Variants in WDFY4 observed in about 807,000 individuals in gnomAD.
WDFY4 encodes WDFY family member 4, also known as WD repeat- and FYVE domain-containing protein 4.
Under a neutral mutation model 351.9 loss-of-function variants are expected in WDFY4, and 169 were observed. The observed-to-expected ratio is 0.48, with a 90% CI of 0.42 to 0.55. The LOEUF is 0.55. WDFY4 is among the 20% of genes least tolerant of loss of function. The pLI is 0.00. For missense variants in WDFY4, 3,803 were observed against 3,935.6 expected, an observed-to-expected ratio of 0.97 and a Z score of 0.90; for synonymous variants, 1,622 against 1,574.6, an observed-to-expected ratio of 1.03 and a Z score of -0.71.
chr10:48,702,401 C>G (rs1432177170), intron 1 of WDFY4, among the ~76,000 whole-genome samples: 1 of 152,176 alleles, frequency 6.6e-6, no homozygotes, highest in Non-Finnish European at 1.5e-5. Context: ...CCTTATCCCC[C>G]GTCCCTGGCA....
intron 54 of WDFY4, among the ~76,000 whole-genome samples, chr10:48,964,489 TGGACCAGGAA>T (rs1841992768): frequency 6.6e-6 from 1 of 152,258 alleles, no homozygotes. Flanking sequence ...TATTCTTTTA[TGGACCAGGAA>T]ACTGAGGCTC....
At chr10:48,688,434 T>A (rs886320099) in intron 1 of WDFY4, among the ~76,000 whole-genome samples, 5 of 152,234 alleles carry the variant, frequency 3.3e-5, no homozygotes, top group Non-Finnish European at 7.4e-5. Flanking sequence ...ATAAACGTGG[T>A]CTGTCTCTCC....
intron 47 of WDFY4, among the ~76,000 whole-genome samples, chr10:48,930,416 G>T (rs1839923807): frequency 6.6e-6 from 1 of 152,232 alleles, no homozygotes; most frequent in Non-Finnish European, 1.5e-5. Context: ...TGGCACGACG[G>T]ATTGTTTGAC....
chr10:48,809,281 AT>A (rs1174613695), intron 28 of WDFY4, among the ~76,000 whole-genome samples: 2 of 114,582 alleles, frequency 1.7e-5, no homozygotes, highest in African/African-American at 7.3e-5. Context: ...TCACCACAAC[AT>A]TAATCGCCAT....
intron 2 of WDFY4, among the ~76,000 whole-genome samples, chr10:48,716,922 A>C (rs1171922097): frequency 6.6e-6 from 1 of 152,230 alleles, no homozygotes; most frequent in Non-Finnish European, 1.5e-5. Flanking sequence ...TTTTCTCTCC[A>C]GGGATTAACA....
chr10:48,975,563 C>A (rs1842531724), intron 58 of WDFY4, among the ~76,000 whole-genome samples: 2 of 152,216 alleles, frequency 1.3e-5, no homozygotes, highest in African/African-American at 4.8e-5. Context: ...ACCTAAGGGG[C>A]CCAGGGCATA....
Position 48,945,978 on chromosome 10 carries a change from C to G in WDFY4, c.7750-62C>G, listed in dbSNP as rs952335850. On this transcript the variant is annotated intron_variant, in intron 49 of 61. Coordinates refer to ENST00000325239, the MANE Select transcript of WDFY4 (RefSeq NM_001394531.1). ...TAAAGAGAACCATAAAACTCAAGAG[C>G]GTGGCTCCTAGGGCACAAGCGGGTC... is the stretch of plus-strand genomic sequence containing the variant. The G allele has an allele frequency of 1.4e-5, 16 of 1,112,406 alleles. No individual in the cohort carries two copies. The African/African-American group carries it at 1.8e-4, about 13-fold the overall frequency. The allele number at this position is 1,112,406 out of a possible 1,614,324, so 68.9% of individuals were successfully genotyped here. A position where few individuals can be genotyped will look rare whatever the true frequency, so the allele number is the denominator to read the frequency against.
At chr10:48,935,294 G>A (rs565743661) in intron 47 of WDFY4, 3 of 152,338 alleles carry the variant, frequency 2.0e-5, no homozygotes, top group East Asian at 3.9e-4. Flanking sequence ...TGAGAGGACG[G>A]AAGGCTGAAA....
At chr10:48,846,723 A>G (rs1451814600) in intron 39 of WDFY4, among the ~76,000 whole-genome samples, 1 of 152,238 alleles carries the variant, frequency 6.6e-6, no homozygotes, top group Non-Finnish European at 1.5e-5. Context: ...GGCTAGTCAC[A>G]GCGTGGCTTC....
intron 24 of WDFY4, among the ~76,000 whole-genome samples, chr10:48,798,304 T>A (rs542358039): frequency 6.6e-6 from 1 of 150,806 alleles, no homozygotes; most frequent in South Asian, 2.1e-4. Flanking sequence ...AATGAGAACA[T>A]AAATTAATAA....
intron 39 of WDFY4, among the ~76,000 whole-genome samples, chr10:48,840,750 G>A (rs2068576820): frequency 3.3e-5 from 5 of 152,202 alleles, no homozygotes; most frequent in Admixed American, 3.3e-4. Flanking sequence ...ATAAGAGCTG[G>A]ATGAAGAAAG....
chr10:48,882,971 TC>T (rs2070312032), intron 43 of WDFY4, among the ~76,000 whole-genome samples: 1 of 149,168 alleles, frequency 6.7e-6, no homozygotes, highest in Admixed American at 6.6e-5. Flanking sequence ...ACCTCAGATC[TC>T]TCTTATTCTC....
chr10:48,746,663 A>T (rs7084008), intron 12 of WDFY4, among the ~76,000 whole-genome samples: 35,217 of 151,960 alleles, frequency 0.23, 4,238 homozygotes, highest in African/African-American at 0.31. Context: ...AATTGATTTT[A>T]AAAAATTGTG....
At chr10:48,971,135 T>C (rs1249930610) in intron 57 of WDFY4, among the ~76,000 whole-genome samples, 2 of 151,954 alleles carry the variant, frequency 1.3e-5, no homozygotes, top group African/African-American at 4.9e-5. Flanking sequence ...TAGGGGACAC[T>C]TTCAACTCTA....
Position 48,981,054 on chromosome 10 carries a change from G to A in WDFY4, c.9377-313G>A, listed in dbSNP as rs572907259. Among the ~76,000 whole-genome samples the A allele has an allele frequency of 2.0e-5, 3 of 152,332 alleles. No homozygotes were observed. In the South Asian group the frequency reaches 6.2e-4, roughly 32 times the overall value. On this transcript the variant is annotated intron_variant, in intron 60 of 61. Transcript: ENST00000325239. ...GGGCATCTTATTAAGCATAAAGCCA[G>A]TAAACACTGATGAACAATTTTGCTG...
rs1841981693 is a variant in WDFY4, at chr10:48,964,202, C to A, written c.8436+148C>A. On this transcript the variant is annotated intron_variant, in intron 54 of 61. Coordinates refer to ENST00000325239, the MANE Select transcript of WDFY4 (RefSeq NM_001394531.1). The stretch of plus-strand genomic sequence containing the variant: ...CCTGTGCTTTCAATATCAGGCTTAA[C>A]CCTCAGTTACCACCTGATGTTGATG... The A allele has an allele frequency of 4.7e-6, 4 of 846,412 alleles. No homozygotes were observed. In the South Asian group the frequency reaches 6.9e-5, roughly 15 times the overall value. The allele number at this position is 846,412 out of a possible 1,614,324, so 52.4% of individuals were successfully genotyped here. A position where few individuals can be genotyped will look rare whatever the true frequency, so the allele number is the denominator to read the frequency against.
intron 39 of WDFY4, among the ~76,000 whole-genome samples, chr10:48,861,734 C>T (rs888083270): frequency 2.6e-5 from 4 of 151,960 alleles, no homozygotes; most frequent in Non-Finnish European, 5.9e-5. Flanking sequence ...AGGTTTATAT[C>T]TTTTGCTATT....
chr10:48,902,188 T>A (rs915863098), intron 47 of WDFY4, among the ~76,000 whole-genome samples: 2 of 152,226 alleles, frequency 1.3e-5, no homozygotes, highest in African/African-American at 4.8e-5. Context: ...GGCCCTCCCA[T>A]GGGGGTGTGT....
chr10:48,765,220 C>A (rs999576236), intron 13 of WDFY4, among the ~76,000 whole-genome samples: 9 of 152,212 alleles, frequency 5.9e-5, no homozygotes, highest in African/African-American at 2.2e-4. Flanking sequence ...ATTGACATCA[C>A]TGTCAATGTC....
Sources: gnomAD v4.1 joint callset for allele counts (sites outside exome capture counted in the v4.1 genomes callset) on GRCh38, gnomAD v4.1.1 for gene constraint, MANE v1.5 for transcripts, NCBI Gene and HGNC (gene_info 2026-07-23, HGNC 2026-07-21) for gene names.